ADARB2: variants seen among roughly 807,000 people sequenced by gnomAD.
ADARB2 encodes the protein inactive double-stranded RNA-specific editase B2.
Under a neutral mutation model 62.2 loss-of-function variants are expected in ADARB2, and 25 were observed. The observed-to-expected ratio is 0.40, with a 90% CI of 0.29 to 0.56. The LOEUF is 0.56. Among genes scored for constraint, ADARB2 ranks in the 20% least tolerant of loss-of-function variants. The pLI is 0.43. For missense variants in ADARB2, 1,071 were observed against 1,077.4 expected (o/e 0.99, Z 0.08); for synonymous variants, 572 against 500.8 (o/e 1.14, Z -1.90).
chr10:1,226,631 C>G, intron 6 of ADARB2, among the ~76,000 whole-genome samples: 1 of 152,216 alleles, frequency 6.6e-6, no homozygotes, highest in Admixed American at 6.5e-5. Flanking sequence ...TTCTAACAGT[C>G]AGGACCCTCA....
At chr10:1,694,127 GATT>G (rs1274628737) in intron 1 of ADARB2, among the ~76,000 whole-genome samples, 1 of 152,134 alleles carries the variant, frequency 6.6e-6, no homozygotes, top group Non-Finnish European at 1.5e-5. Context: ...TGGTTCTTTT[GATT>G]ATTATTAGAG....
intron 1 of ADARB2, among the ~76,000 whole-genome samples, chr10:1,723,132 G>T (rs1359901607): frequency 6.6e-6 from 1 of 152,220 alleles, no homozygotes; most frequent in Non-Finnish European, 1.5e-5. Context: ...CTTCTCAGAA[G>T]GCCCTTGTGT....
intron 3 of ADARB2, among the ~76,000 whole-genome samples, chr10:1,341,340 A>G (rs1832025306): frequency 1.3e-5 from 2 of 150,726 alleles, no homozygotes; most frequent in South Asian, 4.2e-4. Flanking sequence ...CCACCAGAGA[A>G]CAACGTGCCC....
intron 4 of ADARB2, among the ~76,000 whole-genome samples, chr10:1,269,738 C>T (rs1024996101): frequency 2.6e-5 from 4 of 152,142 alleles, no homozygotes; most frequent in African/African-American, 7.2e-5. Context: ...CTCACAGCCC[C>T]GTGGGCCTAC....
At chr10:1,569,807 G>A (rs1676540705) in intron 1 of ADARB2, among the ~76,000 whole-genome samples, 1 of 151,752 alleles carries the variant, frequency 6.6e-6, no homozygotes, top group Admixed American at 6.6e-5. Context: ...ATGATATTAT[G>A]CTCAAGACTT....
rs73590444 is a variant in ADARB2 at position 1,213,694 on chromosome 10, C to T, written c.1682+3257G>A. 2.9e-3 allele frequency among the ~76,000 whole-genome samples: 438 copies of T among 152,344 alleles called. 1 individual carries two copies. Among genetic ancestry groups the T allele is most frequent in the African/African-American group, 9.6e-3 (400 of 41,572 alleles). On this transcript the variant is annotated intron_variant, in intron 7 of 9. Transcript: ENST00000381312. ...TTTCCACAAACTTGTATTCTGTTTTCAAAAGGAGTCTAGAATCACCCCCAA... is the reference window on the plus strand; with the variant it reads ...TTTCCACAAACTTGTATTCTGTTTTTAAAAGGAGTCTAGAATCACCCCCAA...
intron 1 of ADARB2, among the ~76,000 whole-genome samples, chr10:1,388,557 A>G (rs1832542932): frequency 2.0e-5 from 3 of 152,190 alleles, no homozygotes; most frequent in South Asian, 2.1e-4. Flanking sequence ...AAAAGTCTAC[A>G]TGCTTCTATG....
chr10:1,711,278 C>T (rs1299293833), intron 1 of ADARB2, among the ~76,000 whole-genome samples: 1 of 152,142 alleles, frequency 6.6e-6, no homozygotes, highest in Non-Finnish European at 1.5e-5. Flanking sequence ...TGAGAACAAA[C>T]TCAAGGTCTC....
At chr10:1,279,030 G>A (rs759783374) in intron 3 of ADARB2, among the ~76,000 whole-genome samples, 1 of 152,180 alleles carries the variant, frequency 6.6e-6, no homozygotes, top group Non-Finnish European at 1.5e-5. Flanking sequence ...TTTCCCACCA[G>A]TTATTATCAG....
At chr10:1,618,726 G>T (rs890945079) in intron 1 of ADARB2, among the ~76,000 whole-genome samples, 2 of 152,120 alleles carry the variant, frequency 1.3e-5, no homozygotes, top group African/African-American at 2.4e-5. Flanking sequence ...AAAAATCTGT[G>T]ACGTGGTAAT....
At chr10:1,253,533 C>G (rs1311756258) in intron 4 of ADARB2, among the ~76,000 whole-genome samples, 11 of 152,358 alleles carry the variant, frequency 7.2e-5, no homozygotes, top group Non-Finnish European at 5.9e-5. Context: ...TCCATCCATT[C>G]ATTCAGTGGG....
chr10:1,730,879 A>G (rs903934155), intron 1 of ADARB2, among the ~76,000 whole-genome samples: 1 of 152,200 alleles, frequency 6.6e-6, no homozygotes, highest in Non-Finnish European at 1.5e-5. Context: ...CTTACCAGAC[A>G]TTTTCCTGCC....
At chr10:1,283,986 C>T (rs1185935191) in intron 3 of ADARB2, among the ~76,000 whole-genome samples, 1 of 152,192 alleles carries the variant, frequency 6.6e-6, no homozygotes, top group African/African-American at 2.4e-5. Flanking sequence ...GTAGATCAGT[C>T]TGGCCTGAGT....
At chr10:1,412,393 A>G (rs575129365) in intron 1 of ADARB2, among the ~76,000 whole-genome samples, 1 of 152,272 alleles carries the variant, frequency 6.6e-6, no homozygotes, top group Admixed American at 6.5e-5. Context: ...ATAATTTAAA[A>G]AATTTATAAA....
At chr10:1,294,615 C>A (rs1831508210) in intron 3 of ADARB2, among the ~76,000 whole-genome samples, 1 of 152,194 alleles carries the variant, frequency 6.6e-6, no homozygotes, top group Non-Finnish European at 1.5e-5. Flanking sequence ...GTCTCGCTTC[C>A]CCCATCCAGC....
intron 8 of ADARB2, among the ~76,000 whole-genome samples, chr10:1,199,130 C>G (rs896719261): frequency 6.6e-5 from 10 of 152,204 alleles, no homozygotes; most frequent in Admixed American, 3.3e-4. Context: ...CTTCAGAGAG[C>G]TCTCCCACTC....
chr10:1,617,983 T>C (rs974331343), intron 1 of ADARB2, among the ~76,000 whole-genome samples: 15 of 152,322 alleles, frequency 9.8e-5, no homozygotes, highest in African/African-American at 2.2e-4. Context: ...TGCTGTCCAC[T>C]TTTTTCCCCT....
chr10:1,293,445 TG>T (rs1831496213), intron 3 of ADARB2, among the ~76,000 whole-genome samples: 2 of 151,778 alleles, frequency 1.3e-5, no homozygotes, highest in African/African-American at 4.9e-5. Context: ...CCTTTCTTCT[TG>T]TGTGTGTTTA....
At chr10:1,620,409 C>A (rs150213363) in intron 1 of ADARB2, among the ~76,000 whole-genome samples, 1 of 152,018 alleles carries the variant, frequency 6.6e-6, no homozygotes, top group East Asian at 1.9e-4. Flanking sequence ...ACTGGAAATG[C>A]GCAGATTTCC....
Sources: gnomAD v4.1 joint callset for allele counts (sites outside exome capture counted in the v4.1 genomes callset) on GRCh38, gnomAD v4.1.1 for gene constraint, MANE v1.5 for transcripts, NCBI Gene and HGNC (gene_info 2026-07-23, HGNC 2026-07-21) for gene names.